RYR2: variants seen among roughly 807,000 people sequenced by gnomAD.
RYR2 encodes cardiac muscle ryanodine receptor-calcium release channel.
A neutral mutation model predicts 601.1 loss-of-function variants in RYR2; 227 were observed. That is an observed-to-expected ratio of 0.38 (90% CI 0.34 to 0.42). RYR2 has a LOEUF of 0.42. Ranked by LOEUF, RYR2 falls within the 10% of genes least tolerant of loss-of-function variation. The pLI is 1.00. For synonymous variants in RYR2, 2,223 were observed against 2,175.1 expected, an observed-to-expected ratio of 1.02 and a Z score of -0.61; for missense variants, 4,646 against 6,156.5, an observed-to-expected ratio of 0.75 and a Z score of 8.21.
chr1:237,489,502 C>A (rs754832387), intron 17 of RYR2, among the ~76,000 whole-genome samples: 21 of 152,142 alleles, frequency 1.4e-4, no homozygotes, highest in Non-Finnish European at 2.8e-4. Context: ...ACTAAAAATA[C>A]AAAAATTGCC....
chr1:237,815,510 A>G (rs1400296640), intron 100 of RYR2, among the ~76,000 whole-genome samples: 1 of 152,210 alleles, frequency 6.6e-6, no homozygotes, highest in Non-Finnish European at 1.5e-5. Flanking sequence ...TTGGTAATTT[A>G]TTAAGCCTAA....
chr1:237,674,034 G>C (rs1685178419), intron 58 of RYR2, 62 bp from the exon 59 acceptor site: 1 of 1,372,760 alleles, frequency 7.3e-7, no homozygotes, highest in Admixed American at 1.9e-5. Context: ...TTATATATCT[G>C]TGTCTCATCT....
At chr1:237,322,821 CGTGTGTGTGTGTGTGT>C (rs113420477) in intron 2 of RYR2, among the ~76,000 whole-genome samples, 1 of 143,110 alleles carries the variant, frequency 7.0e-6, no homozygotes, top group African/African-American at 2.6e-5. Flanking sequence ...AACACACACA[CGTGTGTGTGTGTGTGT>C]GTGTGTGTGT....
At chr1:237,284,477 C>CATAT (rs200260578) in intron 2 of RYR2, among the ~76,000 whole-genome samples, 4 of 139,974 alleles carry the variant, frequency 2.9e-5, no homozygotes, top group Non-Finnish European at 4.5e-5. Context: ...ACTATATATA[C>CATAT]ATATATATAA....
At chr1:237,771,958 G>T in intron 85 of RYR2, 54 bp from the exon 86 acceptor site, 2 of 1,013,516 alleles carry the variant, frequency 2.0e-6, no homozygotes, top group South Asian at 2.7e-5. Context: ...TTCTTAGAAT[G>T]ACTCAACTTG....
At chr1:237,379,714 ACCT>A (rs1472290748) in intron 8 of RYR2, among the ~76,000 whole-genome samples, 1 of 151,966 alleles carries the variant, frequency 6.6e-6, no homozygotes, top group Admixed American at 6.6e-5. Flanking sequence ...AGAAGCCTCA[ACCT>A]CCTATTCTCC....
intron 79 of RYR2, 144 bp downstream of exon 79, chr1:237,733,900 G>A (rs1216476829): frequency 4.5e-6 from 3 of 664,746 alleles, no homozygotes; most frequent in Non-Finnish European, 7.9e-6. Context: ...TCCATGGCAG[G>A]TCATCATTGT....
rs1334793607 is a variant in RYR2, at chr1:237,208,962, A to G, written c.49-61535A>G. ...TATATATATATATATATATATATAT[A>G]TATATATATATATATATATATATGT... On this transcript the variant is annotated intron_variant, in intron 1 of 104. Transcript: ENST00000366574. Among the ~76,000 whole-genome samples, 237 of 103,924 alleles carry G rather than the reference A, an allele frequency of 2.3e-3. 5 individuals carry two copies. Among genetic ancestry groups the G allele is most frequent in the South Asian group, 2.9e-3 (7 of 2,408 alleles). 68.2% of individuals were successfully genotyped at this position (103,924 alleles called of 152,430 possible).
intron 29 of RYR2, among the ~76,000 whole-genome samples, chr1:237,574,926 G>A (rs547652311): frequency 6.6e-6 from 1 of 152,276 alleles, no homozygotes; most frequent in South Asian, 2.1e-4. Context: ...AGAACTATGA[G>A]ATAAGAAATG....
At chr1:237,187,038 G>T (rs1251934912) in intron 1 of RYR2, among the ~76,000 whole-genome samples, 1 of 152,152 alleles carries the variant, frequency 6.6e-6, no homozygotes, top group East Asian at 1.9e-4. Context: ...TCAGCTTTTT[G>T]CGAACTCTGA....
intron 1 of RYR2, among the ~76,000 whole-genome samples, chr1:237,247,701 C>T (rs751188109): frequency 2.2e-4 from 33 of 152,056 alleles, no homozygotes; most frequent in Non-Finnish European, 5.9e-5. Context: ...AAAGACCACT[C>T]CAGGAGTATT....
chr1:237,730,439 T>C (rs1358022886), intron 77 of RYR2, 83 bp downstream of exon 77: 3 of 707,706 alleles, frequency 4.2e-6, no homozygotes, highest in Non-Finnish European at 7.4e-6. Flanking sequence ...TTATATAACA[T>C]TGAAGGAAAA....
intron 1 of RYR2, among the ~76,000 whole-genome samples, chr1:237,097,600 A>G (rs1424457919): frequency 3.3e-5 from 5 of 152,240 alleles, no homozygotes; most frequent in African/African-American, 1.2e-4. Context: ...TAGGAGACCA[A>G]AATGGATAAG....
intron 29 of RYR2, among the ~76,000 whole-genome samples, chr1:237,586,393 T>G (rs1674529738): frequency 6.6e-6 from 1 of 152,210 alleles, no homozygotes; most frequent in African/African-American, 2.4e-5. Context: ...TGAGCATTCG[T>G]GCTAAGCATT....
chr1:237,174,351 A>G (rs2490356), intron 1 of RYR2, among the ~76,000 whole-genome samples: 66,398 of 151,982 alleles, frequency 0.44, 15,811 homozygotes, highest in Non-Finnish European at 0.53. Flanking sequence ...TACTAATGTC[A>G]CCCTGGCTTA....
intron 6 of RYR2, among the ~76,000 whole-genome samples, chr1:237,370,881 C>T (rs904254620): frequency 8.5e-5 from 13 of 152,142 alleles, no homozygotes; most frequent in Admixed American, 6.5e-4. Context: ...AGGATGGTCT[C>T]GATCTCCTGA....
intron 92 of RYR2, among the ~76,000 whole-genome samples, chr1:237,790,133 T>C (rs928442620): frequency 6.6e-6 from 1 of 152,196 alleles, no homozygotes; most frequent in Non-Finnish European, 1.5e-5. Context: ...TTAAAACAAA[T>C]GCTTAATGTC....
rs576595131 is a variant in RYR2 at position 237,622,060 on chromosome 1, C to T, written c.5917-1705C>T. Among the ~76,000 whole-genome samples the T allele has an allele frequency of 3.4e-3, 517 of 152,182 alleles. 4 individuals are homozygous for T. The highest frequency in any genetic ancestry group is 0.012 in the African/African-American group (488 of 41,526). On this transcript the variant is annotated intron_variant, in intron 38 of 104. Coordinates refer to ENST00000366574, the MANE Select transcript of RYR2 (RefSeq NM_001035.3). ...TGCATAAAGCGTACTTGAAGTCTCT[C>T]TGTATTATTTCTTACAATAGCATAT...
chr1:237,562,587 A>G (rs1302518804), intron 27 of RYR2, among the ~76,000 whole-genome samples: 1 of 152,208 alleles, frequency 6.6e-6, no homozygotes, highest in Non-Finnish European at 1.5e-5. Context: ...CATTAATAAT[A>G]TAATTCCTGA....
Sources: gnomAD v4.1 joint callset for allele counts (sites outside exome capture counted in the v4.1 genomes callset) on GRCh38, gnomAD v4.1.1 for gene constraint, MANE v1.5 for transcripts, NCBI Gene and HGNC (gene_info 2026-07-23, HGNC 2026-07-21) for gene names.